The following ASIC4 variants were observed in gnomAD, a reference collection of about 807,000 sequenced individuals.
ASIC4 encodes the protein acid sensing ion channel subunit family member 4, also known as acid-sensing ion channel 4.
ASIC4 carries 28 observed loss-of-function variants against 53.4 expected under a neutral mutation model. That is an observed-to-expected ratio of 0.52 (90% CI 0.39 to 0.72). The LOEUF (loss-of-function observed/expected upper bound fraction) is 0.72. Among genes scored for constraint, ASIC4 ranks in the 30% least tolerant of loss-of-function variants. The pLI, the probability that ASIC4 is intolerant of heterozygous loss-of-function variation, is 0.00. For synonymous variants in ASIC4, 289 were observed against 301.4 expected, an observed-to-expected ratio of 0.96 and a Z score of 0.43; for missense variants, 649 against 729.7, an observed-to-expected ratio of 0.89 and a Z score of 1.27.
intron 1 of ASIC4, 29 bp downstream of exon 1, chr2:219,515,335 C>A (rs1463877808): frequency 1.1e-5 from 17 of 1,586,826 alleles, no homozygotes; most frequent in Non-Finnish European, 1.4e-5. Context: ...GCTGCCTGGC[C>A]TTGGATGGCC....
chr2:219,510,140 T>G (rs1172975526), upstream of ASIC4, among the ~76,000 whole-genome samples: 1 of 151,802 alleles, frequency 6.6e-6, no homozygotes, highest in Non-Finnish European at 1.5e-5. This position sits in a 1 kb window ranked among gnomAD's most constrained non-coding sequence, Gnocchi z 5.2. Flanking sequence ...CAGCCCTCAC[T>G]TTTCCCACTT....
chr2:219,508,944 G>A, the ASIC4 span, among the ~76,000 whole-genome samples: 1 of 152,110 alleles, frequency 6.6e-6, no homozygotes, highest in African/African-American at 2.4e-5. Flanking sequence ...GTGGGTCCCT[G>A]GCACCAAGCT....
the ASIC4 span, among the ~76,000 whole-genome samples, chr2:219,507,803 A>G: frequency 6.6e-6 from 1 of 152,000 alleles, no homozygotes; most frequent in African/African-American, 2.4e-5. Flanking sequence ...GGTGGGAGAA[A>G]GGAGGGGGTC....
At chr2:219,531,464 TG>T (rs1167588207) in intron 1 of ASIC4, among the ~76,000 whole-genome samples, 1 of 151,940 alleles carries the variant, frequency 6.6e-6, no homozygotes, top group Non-Finnish European at 1.5e-5. Context: ...CTTGAGAAAC[TG>T]GGTGGATATA....
chr2:219,515,722 C>T (rs1028577435), intron 1 of ASIC4, among the ~76,000 whole-genome samples: 5 of 152,182 alleles, frequency 3.3e-5, no homozygotes, highest in African/African-American at 9.7e-5. Flanking sequence ...TCCCACCAAA[C>T]GAAGGAGATA....
In ASIC4 at chr2:219,536,318, G is replaced by A. The variant is rs1175377044; in HGVS notation, c.1230-748G>A. 6.6e-6 allele frequency among the ~76,000 whole-genome samples: 1 copy of A among 152,262 alleles called. No individual in the cohort carries two copies. Among genetic ancestry groups the A allele is most frequent in the Non-Finnish European group, 1.5e-5 (1 of 68,050 alleles). On this transcript the variant is annotated intron_variant, in intron 6 of 9. Transcript: ENST00000358078. This position sits in a 1 kb window ranked among gnomAD's most constrained non-coding sequence, Gnocchi z 4.6. ...CAGTACCCTGCAGGGGGAGGCAGGAGGGACCGCCCTGAGGCTTGGGTCTGG... is the reference window on the plus strand; with the variant it reads ...CAGTACCCTGCAGGGGGAGGCAGGAAGGACCGCCCTGAGGCTTGGGTCTGG...
Position 219,514,996 on chromosome 2 carries a change from G to A in ASIC4, c.272G>A (p.Gly91Asp). 6.2e-7 allele frequency: 1 copy of A among 1,613,174 alleles called. No individual in the cohort carries two copies. The change falls in exon 1 of 10, where the codon GGC becomes GAC. Residue 91 changes from glycine (G) to aspartate (D), a missense_variant. Physicochemically the swap from Gly to Asp is moderately conservative, Grantham distance 94. Transcript: ENST00000358078. ...FLYQAAGLAR[G>D]YLTRPHLVAM... ...TACCAGGCGGCTGGCCTGGCCCGGG[G>A]CTACCTGACCCGGCCTCACCTGGTG...
At chr2:219,531,315 G>A (rs188284602) in intron 1 of ASIC4, among the ~76,000 whole-genome samples, 12 of 152,134 alleles carry the variant, frequency 7.9e-5, no homozygotes, top group Non-Finnish European at 1.0e-4. Context: ...GCTGTGAGCC[G>A]AGATCGTGCC....
At position 219,518,280 on chromosome 2, in the gene ASIC4, G is replaced by A. The variant is rs1481124089; in HGVS notation, c.582+2974G>A. 6.6e-6 allele frequency among the ~76,000 whole-genome samples: 1 copy of A among 152,190 alleles called. No individual in the cohort carries two copies. The highest frequency in any genetic ancestry group is 1.5e-5 in the Non-Finnish European group (1 of 68,028). Reference sequence around the variant, plus strand: ...ATGCAAGAGTTAATCAGCCATGCAAGTGGTGTCATAAGGTGCCAGGATCAA... The same window carrying A: ...ATGCAAGAGTTAATCAGCCATGCAAATGGTGTCATAAGGTGCCAGGATCAA... On this transcript the variant is annotated intron_variant, in intron 1 of 9. Coordinates refer to ENST00000358078, the MANE Select transcript of ASIC4 (RefSeq NM_018674.6). The surrounding 1 kb of genome is among the most constrained non-coding windows in gnomAD (Gnocchi z 4.8).
At chr2:219,530,166 A>C (rs926594268) in intron 1 of ASIC4, among the ~76,000 whole-genome samples, 1 of 152,190 alleles carries the variant, frequency 6.6e-6, no homozygotes, top group Admixed American at 6.5e-5. Flanking sequence ...CCTTGCCCTC[A>C]GGGAAGGTGC....
chr2:219,528,278 C>T (rs1694989040), intron 1 of ASIC4, among the ~76,000 whole-genome samples: 1 of 152,338 alleles, frequency 6.6e-6, no homozygotes, highest in East Asian at 1.9e-4. Context: ...GGCTGGAGTG[C>T]AGTGGCGTGA....
chr2:219,527,462 G>A (rs1393958005), intron 1 of ASIC4, among the ~76,000 whole-genome samples: 6 of 152,180 alleles, frequency 3.9e-5, no homozygotes, highest in East Asian at 1.9e-4. Flanking sequence ...GGGTGGGCTC[G>A]GTTCCATGTA....
At chr2:219,522,526 G>T (rs1694903510) in intron 1 of ASIC4, among the ~76,000 whole-genome samples, 1 of 152,272 alleles carries the variant, frequency 6.6e-6, no homozygotes, top group East Asian at 1.9e-4. Flanking sequence ...CCCAGTAGGG[G>T]TTCCGTTTCT....
intron 1 of ASIC4, among the ~76,000 whole-genome samples, chr2:219,527,046 T>C (rs1379531195): frequency 6.6e-6 from 1 of 152,214 alleles, no homozygotes; most frequent in African/African-American, 2.4e-5. Flanking sequence ...CTCCTTTGCA[T>C]ACTGCCCCCT....
At position 219,532,077 on chromosome 2, in the gene ASIC4, G is replaced by T; in HGVS notation, c.804G>T (p.Gly268=). ...AGCCGCCCTACATCCACCAGCTGGG[G>T]TTCGGGGTGTCCCCAGGCTTCCAGA... ...QEEPPYIHQL[G]FGVSPGFQTF... The change falls in exon 3 of 10, where the codon GGG becomes GGT. Residue 268 remains glycine, a synonymous_variant. Coordinates refer to ENST00000358078, the MANE Select transcript of ASIC4 (RefSeq NM_018674.6). The T allele has an allele frequency of 6.2e-7, 1 of 1,614,264 alleles. No individual in the cohort carries two copies. Among genetic ancestry groups the T allele is most frequent in the South Asian group, 1.1e-5 (1 of 91,088 alleles).
Position 219,514,751 on chromosome 2 carries a change from C to T in ASIC4, c.27C>T (p.Ile9=), listed in dbSNP as rs144007748. 34 of 1,613,512 alleles carry T rather than the reference C, an allele frequency of 2.1e-5. No individual in the cohort carries two copies. The highest frequency in any genetic ancestry group is 2.7e-5 in the Non-Finnish European group (32 of 1,180,004). ...TGCCGATCGAGATTGTGTGCAAAATCAAATTTGCTGAGGAGGATGCGAAAC... is the reference window on the plus strand; with the variant it reads ...TGCCGATCGAGATTGTGTGCAAAATTAAATTTGCTGAGGAGGATGCGAAAC... The part of the protein sequence containing the change: MPIEIVCK[I]KFAEEDAKPK... The change falls in exon 1 of 10, where the codon ATC becomes ATT. Residue 9 remains isoleucine (I), a synonymous_variant. Coordinates refer to ENST00000358078, the MANE Select transcript of ASIC4 (RefSeq NM_018674.6).
rs1574486059 is a variant in ASIC4, at chr2:219,515,198, A to G, written c.474A>G (p.Pro158=). Residue 158 remains proline (P), a synonymous_variant, in exon 1 of 10, where the codon CCA becomes CCG. Coordinates refer to ENST00000358078, the MANE Select transcript of ASIC4 (RefSeq NM_018674.6). ...ACCGTGCGGCTGGCCTGCGCTACCC[A>G]GAGCCTGACATGGTAGACATCCTCA... ...DGHRAAGLRY[P]EPDMVDILNR... 3.1e-6 allele frequency: 5 copies of G among 1,614,164 alleles called. No homozygotes were observed. The highest frequency in any genetic ancestry group is 4.2e-6 in the Non-Finnish European group (5 of 1,180,000).
chr2:219,531,865 C>T lies in ASIC4; in HGVS notation c.690C>T (p.Ile230=). ...GTGGCCTGGAGATCATGCTGGACAT[C>T]CAGCAGGAGGAGTACCTGCCCATCT... ...MGSGLEIMLD[I]QQEEYLPIWR... is the part of the protein sequence containing the mutation. Residue 230 remains isoleucine (I), a synonymous_variant, in exon 2 of 10, where the codon ATC becomes ATT. Coordinates refer to ENST00000358078, the MANE Select transcript of ASIC4 (RefSeq NM_018674.6). 2.5e-6 allele frequency: 4 copies of T among 1,613,282 alleles called. No homozygotes were observed. The highest frequency in any genetic ancestry group is 3.4e-6 in the Non-Finnish European group (4 of 1,179,590).
intron 1 of ASIC4, among the ~76,000 whole-genome samples, chr2:219,519,952 C>T (rs1694859639): frequency 6.6e-6 from 1 of 152,078 alleles, no homozygotes; most frequent in Non-Finnish European, 1.5e-5. Flanking sequence ...TGCTTTCTTC[C>T]CAGGTGCAGG....
Sources: gnomAD v4.1 joint callset for allele counts (sites outside exome capture counted in the v4.1 genomes callset) on GRCh38, gnomAD v4.1.1 for gene constraint, Gnocchi (gnomAD v3.1) non-coding constraint, MANE v1.5 for transcripts, NCBI Gene and HGNC (gene_info 2026-07-23, HGNC 2026-07-21) for gene names.